The following SMARCC1 variants were observed in gnomAD, a reference collection of about 807,000 sequenced individuals.
The protein encoded by SMARCC1 is SWI/SNF related BAF chromatin remodeling complex subunit C1.
In SMARCC1, 43 loss-of-function variants were observed where a neutral mutation model predicts 147.4. The observed-to-expected ratio is 0.29, with a 90% confidence interval of 0.23 to 0.38. The LOEUF (loss-of-function observed/expected upper bound fraction) is 0.38. Among genes scored for constraint, SMARCC1 ranks in the 10% least tolerant of loss-of-function variants. SMARCC1 has a pLI of 1.00. For missense variants in SMARCC1, 1,119 were observed against 1,381.1 expected (o/e 0.81, Z 3.01); for synonymous variants, 495 against 484.4 (o/e 1.02, Z -0.29).
Position 47,587,268 on chromosome 3 carries a change from G to C in SMARCC1, c.*941C>G, listed in dbSNP as rs948902626. ...TTTTAAAGGGTTTTTTAAAGAGGGA[G>C]AAAAAAATGCACACAAAGCAGTGAA... On this transcript the variant is annotated 3_prime_UTR_variant, in exon 28 of 28. Coordinates refer to ENST00000254480, the MANE Select transcript of SMARCC1 (RefSeq NM_003074.4). 3 of 151,542 alleles carry C rather than the reference G, an allele frequency of 2.0e-5. No homozygotes were observed. Among genetic ancestry groups the C allele is most frequent in the African/African-American group, 7.3e-5 (3 of 41,060 alleles). The allele number at this position is 151,542 out of a possible 1,614,324, so 9.4% of individuals were successfully genotyped here.
rs540142501 is a variant in SMARCC1, at chr3:47,666,990, C to T, written c.1899+3668G>A. 2.0e-5 allele frequency among the ~76,000 whole-genome samples: 3 copies of T among 152,228 alleles called. No homozygotes were observed. In the South Asian group the frequency reaches 6.2e-4, roughly 32 times the overall value. ...GTTGGTTACTGAATATCTTCTAATG[C>T]TATGTTTCCTATTATTTAGCTGGCA... On this transcript the variant is annotated intron_variant, in intron 19 of 27. Transcript: ENST00000254480.
intron 11 of SMARCC1, among the ~76,000 whole-genome samples, chr3:47,697,625 A>G (rs927023043): frequency 6.6e-6 from 1 of 151,616 alleles, no homozygotes; most frequent in African/African-American, 2.4e-5. Context: ...TTAAGGGAAA[A>G]AAAAAAAAAA....
At chr3:47,593,956 G>A (rs1022199645) in intron 26 of SMARCC1, among the ~76,000 whole-genome samples, 1 of 152,180 alleles carries the variant, frequency 6.6e-6, no homozygotes, top group Non-Finnish European at 1.5e-5. Flanking sequence ...CCTGAGGTCA[G>A]GAGTTCGTGA....
intron 2 of SMARCC1, among the ~76,000 whole-genome samples, chr3:47,770,174 G>A (rs1211526202): frequency 6.6e-6 from 1 of 152,040 alleles, no homozygotes; most frequent in African/African-American, 2.4e-5. Flanking sequence ...CTTGCAGTGA[G>A]CTGAGATTGT....
rs533485677 is a variant in SMARCC1 at position 47,598,753 on chromosome 3, G to A, written c.3044-7916C>T. 1.4e-3 allele frequency among the ~76,000 whole-genome samples: 208 copies of A among 148,264 alleles called. 1 individual carries two copies. The highest frequency in any genetic ancestry group is 1.9e-3 in the Non-Finnish European group (125 of 67,426). ...GCTGAGGAGAAGATAGTTTGAACCT[G>A]GAAGGTGGAGGATGCAGTGAGCTGA... On this transcript the variant is annotated intron_variant, in intron 26 of 27. Transcript: ENST00000254480.
intron 2 of SMARCC1, among the ~76,000 whole-genome samples, chr3:47,751,468 G>T (rs2034628273): frequency 6.6e-6 from 1 of 151,948 alleles, no homozygotes; most frequent in African/African-American, 2.4e-5. Context: ...TTGAACCCAG[G>T]AGGCGGAAGT....
At chr3:47,599,263 A>AT (rs1214132966) in intron 26 of SMARCC1, among the ~76,000 whole-genome samples, 2 of 152,070 alleles carry the variant, frequency 1.3e-5, no homozygotes, top group Non-Finnish European at 2.9e-5. Flanking sequence ...CATGCCTGTA[A>AT]TACCAGCTAC....
At chr3:47,648,322 T>A (rs144333580) in intron 21 of SMARCC1, among the ~76,000 whole-genome samples, 80 of 152,230 alleles carry the variant, frequency 5.3e-4, no homozygotes, top group Non-Finnish European at 9.4e-4. Flanking sequence ...TATGTTCAGC[T>A]CAAATACTAC....
chr3:47,623,836 G>C (rs1422200299), intron 24 of SMARCC1, among the ~76,000 whole-genome samples: 1 of 150,728 alleles, frequency 6.6e-6, no homozygotes, highest in Admixed American at 6.6e-5. Context: ...ATTTTTATGA[G>C]AATATGACTC....
intron 16 of SMARCC1, among the ~76,000 whole-genome samples, chr3:47,677,909 G>A (rs1236437955): frequency 1.3e-5 from 2 of 152,016 alleles, no homozygotes; most frequent in Admixed American, 6.6e-5. Flanking sequence ...ACAATACTTC[G>A]GGAGGCGGAG....
chr3:47,696,637 G>A (rs1029723059), intron 11 of SMARCC1, among the ~76,000 whole-genome samples: 2 of 151,334 alleles, frequency 1.3e-5, no homozygotes, highest in Admixed American at 1.3e-4. Context: ...TCCTGCCTCA[G>A]CCTCCTGAGT....
chr3:47,768,976 G>A (rs1245961727), intron 2 of SMARCC1, among the ~76,000 whole-genome samples: 1 of 152,060 alleles, frequency 6.6e-6, no homozygotes, highest in Non-Finnish European at 1.5e-5. Context: ...TTGGGAGGGA[G>A]AGGTGGGCAG....
intron 13 of SMARCC1, among the ~76,000 whole-genome samples, chr3:47,688,561 C>T (rs1032797328): frequency 2.0e-5 from 3 of 152,034 alleles, no homozygotes; most frequent in East Asian, 1.9e-4. Flanking sequence ...AACAAGACGC[C>T]GTTTATTTTT....
At chr3:47,745,808 A>G (rs1027314625) in intron 3 of SMARCC1, 100 bp downstream of exon 3, 2 of 645,758 alleles carry the variant, frequency 3.1e-6, no homozygotes, top group African/African-American at 3.8e-5. Context: ...GGTAAAACAC[A>G]TTAATCATCA....
At chr3:47,668,086 T>C (rs1008623186) in intron 19 of SMARCC1, among the ~76,000 whole-genome samples, 2 of 152,172 alleles carry the variant, frequency 1.3e-5, no homozygotes, top group African/African-American at 2.4e-5. Flanking sequence ...AAAAAATTCT[T>C]TAGTCACTGT....
intron 21 of SMARCC1, among the ~76,000 whole-genome samples, chr3:47,658,213 A>G (rs2033288469): frequency 6.6e-6 from 1 of 152,240 alleles, no homozygotes; most frequent in African/African-American, 2.4e-5. Flanking sequence ...TTATGAGAGA[A>G]CACTGTGAAC....
chr3:47,775,101 T>C (rs1168663826), intron 1 of SMARCC1, among the ~76,000 whole-genome samples: 1 of 152,002 alleles, frequency 6.6e-6, no homozygotes, highest in Non-Finnish European at 1.5e-5. Context: ...GTACTGCACC[T>C]GGCCCATATA....
At chr3:47,599,554 C>T (rs1181435084) in intron 26 of SMARCC1, among the ~76,000 whole-genome samples, 1 of 152,200 alleles carries the variant, frequency 6.6e-6, no homozygotes, top group Non-Finnish European at 1.5e-5. Flanking sequence ...GATTAAGTAG[C>T]TTGCCCAATG....
chr3:47,664,033 A>AGGAG, intron 19 of SMARCC1: 3 of 660,062 alleles, frequency 4.5e-6, no homozygotes, highest in Non-Finnish European at 7.5e-6. Context: ...CTCCTTTGAG[A>AGGAG]GGCCCATGCG....
Sources: allele counts gnomAD v4.1 joint callset (sites outside exome capture counted in the v4.1 genomes callset), GRCh38; gene constraint gnomAD v4.1.1; transcripts MANE v1.5; gene names NCBI Gene and HGNC (gene_info 2026-07-23, HGNC 2026-07-21).